The following NAALADL2 variants were observed in gnomAD, a reference collection of about 807,000 sequenced individuals.
NAALADL2 encodes N-acetylated alpha-linked acidic dipeptidase like 2.
In NAALADL2, 76 loss-of-function variants were observed where a neutral mutation model predicts 87.2. The observed-to-expected ratio is 0.87, with a 90% CI of 0.72 to 1.05. The LOEUF (loss-of-function observed/expected upper bound fraction) is 1.05, where lower values mean the gene tolerates loss of function less well. Ranked by LOEUF, NAALADL2 falls within the 50% of genes least tolerant of loss-of-function variation. The probability of loss-of-function intolerance (pLI) is 0.00; values close to 1 mark genes in which losing one functional copy is unlikely to be tolerated. For synonymous variants in NAALADL2, 354 were observed against 331.0 expected (o/e 1.07, Z -0.75); for missense variants, 1,089 against 945.8 (o/e 1.15, Z -1.99).
chr3:175,438,722 C>G (rs1480518743), intron 5 of NAALADL2, among the ~76,000 whole-genome samples: 1 of 152,038 alleles, frequency 6.6e-6, no homozygotes, highest in Non-Finnish European at 1.5e-5. Flanking sequence ...AATATTTAAT[C>G]ATGGCTGAAA....
intron 11 of NAALADL2, among the ~76,000 whole-genome samples, chr3:175,632,717 G>A (rs1398243523): frequency 6.6e-6 from 1 of 151,980 alleles, no homozygotes; most frequent in Non-Finnish European, 1.5e-5. Flanking sequence ...TTTGGAGAAA[G>A]CGATGATGAC....
chr3:174,976,489 T>G (rs1013158274), intron 1 of NAALADL2, among the ~76,000 whole-genome samples: 4 of 152,218 alleles, frequency 2.6e-5, no homozygotes, highest in Non-Finnish European at 5.9e-5. Flanking sequence ...TTGCCTTGAT[T>G]CAGTGACTGA....
chr3:175,009,406 C>T (rs1303560378), intron 1 of NAALADL2, among the ~76,000 whole-genome samples: 2 of 152,076 alleles, frequency 1.3e-5, no homozygotes, highest in African/African-American at 2.4e-5. Context: ...TAACACGCCA[C>T]CATAAACGAA....
At chr3:175,585,825 C>G (rs1720468057) in intron 10 of NAALADL2, among the ~76,000 whole-genome samples, 1 of 151,978 alleles carries the variant, frequency 6.6e-6, no homozygotes, top group Non-Finnish European at 1.5e-5. Flanking sequence ...TTTTATGTTG[C>G]ATTTGTTCTA....
chr3:175,025,485 C>T (rs1198546580), intron 1 of NAALADL2, among the ~76,000 whole-genome samples: 1 of 152,020 alleles, frequency 6.6e-6, no homozygotes, highest in African/African-American at 2.4e-5. Context: ...ATAACATGTA[C>T]TATATAGTGT....
At chr3:175,253,512 A>C (rs1210609582) in intron 3 of NAALADL2, among the ~76,000 whole-genome samples, 1 of 152,232 alleles carries the variant, frequency 6.6e-6, no homozygotes, top group Non-Finnish European at 1.5e-5. Flanking sequence ...TGTTGTTTTC[A>C]AAGCTACTAA....
chr3:174,631,718 A>G (rs1473593104), intron 2 of NAALADL2: 4 of 152,218 alleles, frequency 2.6e-5, no homozygotes, highest in Non-Finnish European at 5.9e-5. Context: ...AAATATCTGT[A>G]ACTTTTCACT....
intron 1 of NAALADL2, among the ~76,000 whole-genome samples, chr3:174,895,236 CAA>C (rs1203804820): frequency 6.6e-6 from 1 of 151,074 alleles, no homozygotes; most frequent in African/African-American, 2.4e-5. Flanking sequence ...ATCAATGAAA[CAA>C]AGAGTTGGTT....
chr3:175,369,427 C>T (rs183771644), intron 5 of NAALADL2: 15 of 150,138 alleles, frequency 1.0e-4, no homozygotes, highest in East Asian at 3.9e-4. Flanking sequence ...TGCCTGTGTG[C>T]GTGTGTGTAC....
intron 2 of NAALADL2, among the ~76,000 whole-genome samples, chr3:175,168,597 A>G (rs1312925745): frequency 1.3e-5 from 2 of 151,610 alleles, no homozygotes; most frequent in Non-Finnish European, 2.9e-5. Flanking sequence ...ACTTTTTCAT[A>G]TTCAATTCTA....
intron 3 of NAALADL2, among the ~76,000 whole-genome samples, chr3:175,250,913 G>A (rs1053725571): frequency 5.3e-5 from 8 of 152,112 alleles, no homozygotes; most frequent in African/African-American, 1.9e-4. Flanking sequence ...TGGGATCCCT[G>A]TTAGCATGCC....
At chr3:175,335,222 A>C (rs1401484053) in intron 5 of NAALADL2, among the ~76,000 whole-genome samples, 1 of 152,222 alleles carries the variant, frequency 6.6e-6, no homozygotes, top group African/African-American at 2.4e-5. Context: ...AATTTAAATG[A>C]AATAAAATTT....
intron 3 of NAALADL2, among the ~76,000 whole-genome samples, chr3:174,824,239 C>T (rs1721741536): frequency 6.6e-6 from 1 of 152,024 alleles, no homozygotes; most frequent in South Asian, 2.1e-4. Context: ...TAAAATTTAA[C>T]ATTTTAATTT....
intron 5 of NAALADL2, among the ~76,000 whole-genome samples, chr3:175,376,410 T>C (rs1367410093): frequency 6.6e-6 from 1 of 152,152 alleles, no homozygotes; most frequent in Non-Finnish European, 1.5e-5. Context: ...AAGGCCTTTT[T>C]CCTTATTTTT....
chr3:174,830,386 T>C (rs1157278443), intron 3 of NAALADL2, among the ~76,000 whole-genome samples: 3 of 152,256 alleles, frequency 2.0e-5, no homozygotes, highest in East Asian at 3.9e-4. Context: ...CCTTCATTGC[T>C]TGTTTTTCTC....
At chr3:175,178,932 A>AT (rs1736060884) in intron 2 of NAALADL2, among the ~76,000 whole-genome samples, 1 of 152,038 alleles carries the variant, frequency 6.6e-6, no homozygotes, top group African/African-American at 2.4e-5. Flanking sequence ...TGAAAGGCTG[A>AT]TTTTAAATGT....
At chr3:174,962,418 T>TATATATATATGTCATAGTGACTATGAC (rs1742230762) in intron 1 of NAALADL2, among the ~76,000 whole-genome samples, 2 of 137,864 alleles carry the variant, frequency 1.5e-5, no homozygotes, top group African/African-American at 5.5e-5. Context: ...ATGACATATA[T>TATATATATATGTCATAGTGACTATGAC]ATATATATAT....
intron 2 of NAALADL2, among the ~76,000 whole-genome samples, chr3:174,568,944 C>T (rs886488934): frequency 2.6e-5 from 4 of 151,138 alleles, no homozygotes; most frequent in Non-Finnish European, 5.9e-5. Context: ...CATTATACCA[C>T]GTTTCCAGGT....
At chr3:175,279,779 AGTGTGTGAGTGTGTGTGTGT>A in intron 4 of NAALADL2, among the ~76,000 whole-genome samples, 1 of 128,756 alleles carries the variant, frequency 7.8e-6, no homozygotes, top group East Asian at 2.0e-4. Flanking sequence ...TCCTCTGCAT[AGTGTGTGAGTGTGTGTGTGT>A]GTGTGTGTGT....
Sources: allele counts gnomAD v4.1 joint callset (sites outside exome capture counted in the v4.1 genomes callset), GRCh38; gene constraint gnomAD v4.1.1; transcripts MANE v1.5; gene names NCBI Gene and HGNC (gene_info 2026-07-23, HGNC 2026-07-21).